The following SEMA3E variants were observed in gnomAD, a reference collection of about 807,000 sequenced individuals.
SEMA3E encodes semaphorin 3E, also known as semaphorin-3E.
Under a neutral mutation model 93.6 loss-of-function variants are expected in SEMA3E, and 49 were observed. That is an observed-to-expected ratio of 0.52 (90% confidence interval 0.42 to 0.66). The LOEUF (loss-of-function observed/expected upper bound fraction) is 0.66. Among genes scored for constraint, SEMA3E ranks in the 30% least tolerant of loss-of-function variants. SEMA3E has a pLI of 0.00. For synonymous variants in SEMA3E, 363 were observed against 330.7 expected (o/e 1.10, Z -1.06); for missense variants, 906 against 964.8 (o/e 0.94, Z 0.81).
intron 5 of SEMA3E, among the ~76,000 whole-genome samples, chr7:83,412,777 A>AC (rs1421578318): frequency 3.7e-4 from 55 of 149,890 alleles, no homozygotes; most frequent in African/African-American, 1.3e-3. Flanking sequence ...AAAAAAAAAA[A>AC]ACACACAGGA....
chr7:83,489,287 A>G (rs1205614849), intron 2 of SEMA3E, among the ~76,000 whole-genome samples: 1 of 152,108 alleles, frequency 6.6e-6, no homozygotes, highest in Non-Finnish European at 1.5e-5. Context: ...CAGTATGCAA[A>G]TGTTATTTTG....
intron 1 of SEMA3E, among the ~76,000 whole-genome samples, chr7:83,581,381 C>A (rs1388119174): frequency 6.6e-6 from 1 of 151,984 alleles, no homozygotes; most frequent in Non-Finnish European, 1.5e-5. Context: ...GTAATTTAAA[C>A]TTCTGTGTTG....
intron 2 of SEMA3E, among the ~76,000 whole-genome samples, chr7:83,469,718 T>C (rs560923257): frequency 1.3e-5 from 2 of 152,286 alleles, no homozygotes; most frequent in South Asian, 4.1e-4. Flanking sequence ...GATTAAAGGA[T>C]GAATGACTCT....
At position 83,407,491 on chromosome 7, in the gene SEMA3E, G is replaced by C. The variant is rs184313223; in HGVS notation, c.671-252C>G. On this transcript the variant is annotated intron_variant, in intron 6 of 16. Coordinates refer to ENST00000643230, the MANE Select transcript of SEMA3E (RefSeq NM_012431.3). ...TTGGAAAATAAAAGAATCCAGGAGA[G>C]AAGAAGAATTTCAAACAACATGCAA... Among the ~76,000 whole-genome samples the C allele has an allele frequency of 9.3e-3, 1,421 of 152,198 alleles. 10 individuals carry two copies. Among genetic ancestry groups the C allele is most frequent in the Non-Finnish European group, 0.013 (908 of 67,996 alleles).
At chr7:83,514,797 T>C (rs1365925215) in intron 1 of SEMA3E, among the ~76,000 whole-genome samples, 1 of 152,064 alleles carries the variant, frequency 6.6e-6, no homozygotes, top group Non-Finnish European at 1.5e-5. Flanking sequence ...TATAATTAAA[T>C]GGAAATATAT....
Position 83,363,818 on chromosome 7 carries a change from T to C in SEMA3E, c.*3768A>G, listed in dbSNP as rs1172066579. 1.3e-5 allele frequency: 2 copies of C among 149,108 alleles called. No homozygotes were observed. The highest frequency in any genetic ancestry group is 4.0e-4 in the East Asian group (2 of 5,028). 9.2% of individuals were successfully genotyped at this position (149,108 alleles called of 1,614,324 possible). On this transcript the variant is annotated 3_prime_UTR_variant, in exon 17 of 17. Coordinates refer to ENST00000643230, the MANE Select transcript of SEMA3E (RefSeq NM_012431.3). ...ATATCTATACAATACTAAGTACTTTTCTTAATATGTTTATTAGGCTACAGG... is the reference window on the plus strand; with the variant it reads ...ATATCTATACAATACTAAGTACTTTCCTTAATATGTTTATTAGGCTACAGG...
At chr7:83,443,945 A>ATTACATGT (rs1562785207) in intron 4 of SEMA3E, among the ~76,000 whole-genome samples, 2 of 151,020 alleles carry the variant, frequency 1.3e-5, no homozygotes, top group East Asian at 3.9e-4. Flanking sequence ...ATATATGTTT[A>ATTACATGT]TTACATGTTT....
At chr7:83,445,289 T>A (rs1306947192) in intron 4 of SEMA3E, among the ~76,000 whole-genome samples, 1 of 152,214 alleles carries the variant, frequency 6.6e-6, no homozygotes, top group Non-Finnish European at 1.5e-5. Context: ...GAGGCAAAAT[T>A]TTTGTTTGTT....
chr7:83,461,759 C>T (rs868740769), intron 4 of SEMA3E, among the ~76,000 whole-genome samples: 6 of 152,132 alleles, frequency 3.9e-5, no homozygotes, highest in African/African-American at 1.4e-4. Flanking sequence ...GCCCTCAAAC[C>T]CCACAACAGG....
intron 4 of SEMA3E, among the ~76,000 whole-genome samples, chr7:83,422,815 C>T (rs1237806484): frequency 2.0e-5 from 3 of 152,090 alleles, no homozygotes; most frequent in Admixed American, 6.6e-5. Context: ...TTAATACATT[C>T]GTTTAAACTG....
intron 1 of SEMA3E, among the ~76,000 whole-genome samples, chr7:83,528,803 A>T (rs890002195): frequency 6.6e-6 from 1 of 152,146 alleles, no homozygotes. Flanking sequence ...GAATATTATC[A>T]GAACAAAAAG....
At chr7:83,516,287 CAT>C (rs1159890264) in intron 1 of SEMA3E, among the ~76,000 whole-genome samples, 3 of 152,090 alleles carry the variant, frequency 2.0e-5, no homozygotes, top group Admixed American at 6.6e-5. Flanking sequence ...TAAAGTGAAA[CAT>C]ATATTTCTTT....
chr7:83,411,827 C>A (rs1278540211), intron 5 of SEMA3E, among the ~76,000 whole-genome samples: 4 of 151,916 alleles, frequency 2.6e-5, no homozygotes, highest in Admixed American at 1.3e-4. Context: ...ATTAAAATAC[C>A]TTTTAGGGCT....
intron 1 of SEMA3E, among the ~76,000 whole-genome samples, chr7:83,552,420 A>G (rs215254): frequency 0.32 from 49,142 of 152,042 alleles, 9,515 homozygotes; most frequent in African/African-American, 0.53. Flanking sequence ...TGTTTGAACA[A>G]TATGAAATCA....
intron 1 of SEMA3E, among the ~76,000 whole-genome samples, chr7:83,585,361 T>G (rs898670960): frequency 6.6e-6 from 1 of 152,222 alleles, no homozygotes; most frequent in Non-Finnish European, 1.5e-5. Flanking sequence ...GTACGTTCCA[T>G]GAAGAAGGGC....
rs1787970513 is a variant in SEMA3E, at chr7:83,389,988, T to TAG, written c.1667+2566_1667+2567insCT. 1.4e-5 allele frequency among the ~76,000 whole-genome samples: 2 copies of TAG among 138,490 alleles called. 1 individual carries two copies. The highest frequency in any genetic ancestry group is 4.4e-4 in the South Asian group (2 of 4,540). 90.9% of individuals were successfully genotyped at this position (138,490 alleles called of 152,430 possible). On this transcript the variant is annotated intron_variant, in intron 14 of 16. Coordinates refer to ENST00000643230, the MANE Select transcript of SEMA3E (RefSeq NM_012431.3). ...ATACGTATACACATATATACGCGTA[T>TAG]ATGTGTATACGTATACACATATATA...
chr7:83,506,642 A>C (rs1040083409), intron 1 of SEMA3E, among the ~76,000 whole-genome samples: 1 of 152,178 alleles, frequency 6.6e-6, no homozygotes, highest in Non-Finnish European at 1.5e-5. Context: ...AGAAAATATA[A>C]CTTAGGTCAT....
At chr7:83,537,077 C>T (rs1218084568) in intron 1 of SEMA3E, among the ~76,000 whole-genome samples, 2 of 151,870 alleles carry the variant, frequency 1.3e-5, no homozygotes, top group Non-Finnish European at 2.9e-5. Flanking sequence ...TCTTCTCTTC[C>T]CCTCTCTCTT....
At position 83,398,791 on chromosome 7, in the gene SEMA3E, A is replaced by C. The variant is rs1209612877; in HGVS notation, c.1366+1237T>G. 2.0e-5 allele frequency among the ~76,000 whole-genome samples: 3 copies of C among 152,112 alleles called. No individual in the cohort carries two copies. The East Asian group carries it at 5.8e-4, about 29-fold the overall frequency. Reference sequence around the variant, plus strand: ...AAACCCCTGTCTCTACTAAAAATACAAAATTAGGCGGGCATGGTGGCACAT... The same window carrying C: ...AAACCCCTGTCTCTACTAAAAATACCAAATTAGGCGGGCATGGTGGCACAT... On this transcript the variant is annotated intron_variant, in intron 11 of 16. Transcript: ENST00000643230.
Sources: gnomAD v4.1 joint callset for allele counts (sites outside exome capture counted in the v4.1 genomes callset) on GRCh38, gnomAD v4.1.1 for gene constraint, MANE v1.5 for transcripts, NCBI Gene and HGNC (gene_info 2026-07-23, HGNC 2026-07-21) for gene names.